The following NENF variants were observed in gnomAD, a reference collection of about 807,000 sequenced individuals.
NENF encodes the protein neudesin.
NENF carries 6 observed loss-of-function variants against 14.8 expected under a neutral mutation model. That is an observed-to-expected ratio of 0.40 (90% CI 0.22 to 0.80). NENF has a LOEUF of 0.80. Ranked by LOEUF, NENF falls within the 30% of genes least tolerant of loss-of-function variation. NENF has a pLI of 0.34. For missense variants in NENF, 184 were observed against 212.7 expected (o/e 0.87, Z 0.84); for synonymous variants, 76 against 95.1 (o/e 0.80, Z 1.17).
intron 1 of NENF, among the ~76,000 whole-genome samples, chr1:212,440,145 A>G (rs1400710822): frequency 6.8e-6 from 1 of 146,604 alleles, no homozygotes; most frequent in Non-Finnish European, 1.5e-5. Context: ...CCAGCTACTC[A>G]GGAGACTGAG....
At chr1:212,437,984 T>C (rs1387873489) in intron 1 of NENF, among the ~76,000 whole-genome samples, 1 of 152,070 alleles carries the variant, frequency 6.6e-6, no homozygotes, top group African/African-American at 2.4e-5. Flanking sequence ...TGAGACCTTG[T>C]CTCTATTTTA....
At chr1:212,434,087 G>A (rs1662567148) in intron 1 of NENF, among the ~76,000 whole-genome samples, 1 of 152,122 alleles carries the variant, frequency 6.6e-6, no homozygotes, top group South Asian at 2.1e-4. Context: ...ATTGCATGGG[G>A]GTATCAGAAA....
rs1192116512 is a variant in NENF at position 212,433,067 on chromosome 1, C to T, written c.124C>T (p.Pro42Ser). Reference protein sequence around the residue: ...GQTPRPAERGPPVRLFTEEEL... With the variant: ...GQTPRPAERGSPVRLFTEEEL... ...GACACCGCGCCCTGCCGAGCGGGGG[C>T]CCCCAGTGCGGCTTTTCACCGAGGA... is the stretch of plus-strand genomic sequence containing the variant. The change falls in exon 1 of 4, where the codon CCC becomes TCC. Residue 42 changes from proline (P) to serine (S), a missense_variant. Transcript: ENST00000366988. This position sits in a 1 kb window ranked among gnomAD's most constrained non-coding sequence, Gnocchi z 5.5. 8.4e-7 allele frequency: 1 copy of T among 1,194,244 alleles called. No homozygotes were observed. Among genetic ancestry groups the T allele is most frequent in the Non-Finnish European group, 1.0e-6 (1 of 963,418 alleles). 74.0% of individuals were successfully genotyped at this position (1,194,244 alleles called of 1,614,324 possible). A position where few individuals can be genotyped will look rare whatever the true frequency, so the allele number is the denominator to read the frequency against.
intron 2 of NENF, 119 bp downstream of exon 2, chr1:212,442,744 A>G: frequency 1.4e-6 from 1 of 711,708 alleles, no homozygotes; most frequent in Non-Finnish European, 2.5e-6. Flanking sequence ...ATTCCATTTT[A>G]TTTTATTTTA....
intron 2 of NENF, among the ~76,000 whole-genome samples, 170 bp downstream of exon 2, chr1:212,442,795 TG>T (rs568119833): frequency 1.3e-5 from 2 of 152,132 alleles, no homozygotes; most frequent in Non-Finnish European, 2.9e-5. Flanking sequence ...CAGGCTGGAG[TG>T]CGGTGGCACG....
At chr1:212,444,195 T>C (rs1662739117) in intron 2 of NENF, 144 bp from the exon 3 acceptor site, 1 of 458,786 alleles carries the variant, frequency 2.2e-6, no homozygotes, top group Admixed American at 4.2e-5. Flanking sequence ...TACTGGACTT[T>C]GTATCGCCAT....
intron 3 of NENF, among the ~76,000 whole-genome samples, chr1:212,445,456 T>C (rs1171000458): frequency 6.6e-6 from 1 of 151,942 alleles, no homozygotes; most frequent in Non-Finnish European, 1.5e-5. Flanking sequence ...AAATGTATAA[T>C]GGGAGGAGTG....
At chr1:212,442,866 C>T (rs919082071) in intron 2 of NENF, among the ~76,000 whole-genome samples, 4 of 152,050 alleles carry the variant, frequency 2.6e-5, no homozygotes, top group African/African-American at 7.2e-5. Context: ...CTCAGCCTCC[C>T]GAGTAGCTGG....
chr1:212,445,907 C>T lies in NENF; in HGVS notation c.420C>T (p.Val140=), dbSNP rs150678715. Residue 140 remains valine, a synonymous_variant, in exon 4 of 4, where the codon GTC becomes GTT. Transcript: ENST00000366988. ...TGTACAAAGCCAAATACCCCATCGT[C>T]GGCTACACTGCCCGGAGAATTCTCA... ...TKVYKAKYPI[V]GYTARRILNE... 2.2e-5 allele frequency: 35 copies of T among 1,614,148 alleles called. No individual in the cohort carries two copies. The highest frequency in any genetic ancestry group is 6.7e-5 in the African/African-American group (5 of 75,030).
At chr1:212,440,034 T>G (rs1168272879) in intron 1 of NENF, among the ~76,000 whole-genome samples, 1 of 150,474 alleles carries the variant, frequency 6.6e-6, no homozygotes, top group Non-Finnish European at 1.5e-5. Flanking sequence ...GGCAGATCAC[T>G]TGAGGTTAGG....
At chr1:212,437,091 G>A (rs969714532) in intron 1 of NENF, among the ~76,000 whole-genome samples, 5 of 152,110 alleles carry the variant, frequency 3.3e-5, no homozygotes, top group East Asian at 1.9e-4. Flanking sequence ...CCTTATTAAA[G>A]ATACAAGCAA....
At chr1:212,441,900 T>G (rs375128850) in intron 1 of NENF, among the ~76,000 whole-genome samples, 1 of 152,238 alleles carries the variant, frequency 6.6e-6, no homozygotes, top group Non-Finnish European at 1.5e-5. Context: ...ATTGCTCATA[T>G]CAGTCACATC....
chr1:212,436,307 C>CTTTTTTTT (rs71573839), intron 1 of NENF, among the ~76,000 whole-genome samples: 1 of 112,642 alleles, frequency 8.9e-6, no homozygotes, highest in Non-Finnish European at 1.8e-5. Flanking sequence ...GCCCATGGGT[C>CTTTTTTTT]TTTTTTTTTT....
chr1:212,444,219 C>T (rs1378908215), intron 2 of NENF, 120 bp from the exon 3 acceptor site: 4 of 518,938 alleles, frequency 7.7e-6, no homozygotes, highest in Middle Eastern at 5.1e-4. Flanking sequence ...TTGGCCTCTC[C>T]GTGAGCGTGG....
intron 3 of NENF, among the ~76,000 whole-genome samples, chr1:212,445,081 C>T (rs910588995): frequency 2.6e-5 from 4 of 151,946 alleles, no homozygotes; most frequent in African/African-American, 9.7e-5. Flanking sequence ...ATGGAGAAAC[C>T]CCGTCTCTAC....
Position 212,439,483 on chromosome 1 carries a change from G to A in NENF, c.178-3082G>A, listed in dbSNP as rs1347873150. Among the ~76,000 whole-genome samples the A allele has an allele frequency of 5.3e-5, 8 of 149,666 alleles. No homozygotes were observed. The South Asian group carries it at 6.4e-4, about 12-fold the overall frequency. ...CTTGAACCCGGGAGGCGGAGGTTGC[G>A]ATGAGCCAAGATCATGACATTGCAC... On this transcript the variant is annotated intron_variant, in intron 1 of 3. Coordinates refer to ENST00000366988, the MANE Select transcript of NENF (RefSeq NM_013349.5).
intron 1 of NENF, among the ~76,000 whole-genome samples, chr1:212,440,110 G>A (rs1662677589): frequency 6.6e-6 from 1 of 151,476 alleles, no homozygotes; most frequent in Admixed American, 6.6e-5. Flanking sequence ...AAATTATCTG[G>A]GTATGGTGGC....
chr1:212,445,548 T>C (rs1187571385), intron 3 of NENF, among the ~76,000 whole-genome samples: 2 of 152,176 alleles, frequency 1.3e-5, no homozygotes, highest in Non-Finnish European at 2.9e-5. Flanking sequence ...CAATAGGGCA[T>C]GCCCTGCCCC....
chr1:212,444,541 GTGTGTGTGTGTGTGTGTGTGTGTGTGTA>G (rs889262503), intron 3 of NENF, 99 bp downstream of exon 3: 12 of 469,462 alleles, frequency 2.6e-5, no homozygotes, highest in Admixed American at 9.2e-5. Flanking sequence ...GTGTGTGTGT[GTGTGTGTGTGTGTGTGTGTGTGTGTGTA>G]TCTGGGCAAG....
Sources: allele counts gnomAD v4.1 joint callset (sites outside exome capture counted in the v4.1 genomes callset), GRCh38; gene constraint gnomAD v4.1.1; non-coding constraint Gnocchi (gnomAD v3.1); transcripts MANE v1.5; gene names NCBI Gene and HGNC (gene_info 2026-07-23, HGNC 2026-07-21).